GMPPA: variants seen among roughly 807,000 people sequenced by gnomAD.
The protein encoded by GMPPA is mannose-1-phosphate guanylyltransferase regulatory subunit alpha.
Under a neutral mutation model 58.6 loss-of-function variants are expected in GMPPA, and 46 were observed. The observed-to-expected ratio is 0.78, with a 90% CI of 0.62 to 1.00. The LOEUF is 1.00. GMPPA is among the 50% of genes least tolerant of loss of function. GMPPA has a pLI of 0.00. For missense variants in GMPPA, 468 were observed against 556.4 expected, an observed-to-expected ratio of 0.84 and a Z score of 1.60; for synonymous variants, 211 against 214.9, an observed-to-expected ratio of 0.98 and a Z score of 0.16.
intron 6 of GMPPA, 85 bp from the exon 7 acceptor site, chr2:219,503,998 C>A: frequency 3.4e-6 from 5 of 1,488,944 alleles, no homozygotes; most frequent in Non-Finnish European, 4.7e-6. Context: ...GGAGGAGAGG[C>A]AAGAAGGGCC....
At chr2:219,505,652 T>C (rs1694557034) in intron 9 of GMPPA, 63 bp from the exon 10 acceptor site, 1 of 1,587,972 alleles carries the variant, frequency 6.3e-7, no homozygotes. Context: ...CCTCAATCCC[T>C]GCCCCTTCCT....
intron 1 of GMPPA, chr2:219,499,195 G>T (rs719337): frequency 6.6e-6 from 1 of 152,142 alleles, no homozygotes; most frequent in African/African-American, 2.4e-5. Context: ...GGGGTCAATA[G>T]GTTCAGTGTT....
chr2:219,501,476 G>A lies in GMPPA; in HGVS notation c.139G>A (p.Val47Ile). ...IQHHIEACAQ[V>I]PGMQEILLIG... Reference sequence around the variant, plus strand: ...TCCCAGCCTCTTCCCTTGTCCTCAGGTCCCTGGAATGCAGGAGATTCTGCT... The same window carrying A: ...TCCCAGCCTCTTCCCTTGTCCTCAGATCCCTGGAATGCAGGAGATTCTGCT... Residue 47 changes from valine (V) to isoleucine (I), a missense_variant and splice_region_variant, in exon 4 of 13, where the codon GTC (valine) becomes ATC (isoleucine). Coordinates refer to ENST00000313597, the MANE Select transcript of GMPPA (RefSeq NM_013335.4). The A allele has an allele frequency of 1.9e-6, 3 of 1,569,340 alleles. No individual in the cohort carries two copies. The highest frequency in any genetic ancestry group is 2.6e-6 in the Non-Finnish European group (3 of 1,139,158).
At chr2:219,499,441 C>T (rs1017387146) in intron 1 of GMPPA, among the ~76,000 whole-genome samples, 1 of 152,142 alleles carries the variant, frequency 6.6e-6, no homozygotes, top group East Asian at 1.9e-4. Context: ...GGCTTAATAT[C>T]TAGAATGAAG....
chr2:219,500,825 G>GC (rs1694362183), intron 3 of GMPPA: 1 of 148,058 alleles, frequency 6.8e-6, no homozygotes, highest in Admixed American at 6.7e-5. Flanking sequence ...AATAAAAATG[G>GC]CCGGGGGGGA....
At position 219,506,587 on chromosome 2, in the gene GMPPA, C is replaced by T. The variant is rs545135385; in HGVS notation, c.1163-111C>T. On this transcript the variant is annotated intron_variant, in intron 12 of 12. Coordinates refer to ENST00000313597, the MANE Select transcript of GMPPA (RefSeq NM_013335.4). The stretch of plus-strand genomic sequence containing the variant: ...TGTGTGAGTCACCGGGGGCATGAGA[C>T]CAGGGGCACAGATGGGCAGGAGGGC... 308 of 963,728 alleles carry T rather than the reference C, an allele frequency of 3.2e-4. 4 individuals are homozygous for T. The South Asian group carries it at 4.4e-3, about 14-fold the overall frequency. The allele number at this position is 963,728 out of a possible 1,614,324, so 59.7% of individuals were successfully genotyped here.
chr2:219,500,936 C>G (rs1421259734), intron 3 of GMPPA: 1 of 154,618 alleles, frequency 6.5e-6, no homozygotes, highest in Non-Finnish European at 1.4e-5. Flanking sequence ...ATTGAAAGAT[C>G]AGGCCTGGCA....
chr2:219,504,699 T>C (rs1035987772), intron 7 of GMPPA: 3 of 221,548 alleles, frequency 1.4e-5, no homozygotes, highest in Non-Finnish European at 2.5e-5. Flanking sequence ...CCGCCCCATC[T>C]AAGGCCTCCT....
chr2:219,502,019 C>A lies in GMPPA; in HGVS notation c.411C>A (p.Phe137Leu). Residue 137 changes from phenylalanine (F) to leucine (L), a missense_variant, in exon 5 of 13, where the codon TTC becomes TTA. Phe to Leu is a conservative substitution (Grantham distance 22). Transcript: ENST00000313597. This position sits in a 1 kb window ranked among gnomAD's most constrained non-coding sequence, Gnocchi z 4.0. Reference sequence around the variant, plus strand: ...CCCACCGACGCCAGCGTCACCCTTTCTTACTCCTTGGCACTACGGTGAGGG... The same window carrying A: ...CCCACCGACGCCAGCGTCACCCTTTATTACTCCTTGGCACTACGGTGAGGG... ...LEAHRRQRHP[F>L]LLLGTTANRT... 1 of 1,614,244 alleles carries A rather than the reference C, an allele frequency of 6.2e-7. No individual in the cohort carries two copies. Among genetic ancestry groups the A allele is most frequent in the South Asian group, 1.1e-5 (1 of 91,092 alleles).
At chr2:219,505,828 G>A in intron 10 of GMPPA, 67 bp downstream of exon 10, 1 of 1,333,664 alleles carries the variant, frequency 7.5e-7, no homozygotes, top group Non-Finnish European at 1.0e-6. Context: ...TGCCCACGCT[G>A]CCTGAGTTCT....
intron 12 of GMPPA, 44 bp downstream of exon 12, chr2:219,506,466 A>T: frequency 6.4e-7 from 1 of 1,561,454 alleles, no homozygotes; most frequent in Non-Finnish European, 8.7e-7. Context: ...CCCTCAGCTG[A>T]TGGCCAGTGG....
Position 219,506,352 on chromosome 2 carries a change from T to TC in GMPPA, c.1096dup (p.Arg366ProfsTer7). On this transcript the variant is annotated frameshift_variant, in exon 12 of 13. Transcript: ENST00000313597. LOFTEE classifies it high-confidence loss of function. ...CCCCCAGTGACCCTAACCCCAACGA[T>TC]CCCCGAGCCCGCATGGACAGTGAGA... 6.2e-7 allele frequency: 1 copy of TC among 1,613,768 alleles called. No individual in the cohort carries two copies. The highest frequency in any genetic ancestry group is 1.3e-5 in the African/African-American group (1 of 74,990).
chr2:219,506,088 C>T lies in GMPPA; in HGVS notation c.993+16C>T. 1 of 1,546,276 alleles carries T rather than the reference C, an allele frequency of 6.5e-7. No individual in the cohort carries two copies. Among genetic ancestry groups the T allele is most frequent in the Non-Finnish European group, 8.8e-7 (1 of 1,130,356 alleles). ...CACTTTGCAGGTAGGTACCAGCATA[C>T]ACAGCAGCATGTGACACCCCAAGAG... is the stretch of plus-strand genomic sequence containing the variant. On this transcript the variant is annotated intron_variant, in intron 11 of 12. Coordinates refer to ENST00000313597, the MANE Select transcript of GMPPA (RefSeq NM_013335.4).
Position 219,505,444 on chromosome 2 carries a change from C to T in GMPPA, c.756-14C>T, listed in dbSNP as rs1694544777. ...TGCTGACCCCTGAGCCCCTGTCCCC[C>T]TTGCGGTCCCCAGTTCAGCCCTCTA... On this transcript the variant is annotated splice_polypyrimidine_tract_variant and intron_variant, in intron 8 of 12. Coordinates refer to ENST00000313597, the MANE Select transcript of GMPPA (RefSeq NM_013335.4). 1 of 1,589,272 alleles carries T rather than the reference C, an allele frequency of 6.3e-7. No individual in the cohort carries two copies. The highest frequency in any genetic ancestry group is 8.6e-7 in the Non-Finnish European group (1 of 1,167,484).
chr2:219,506,724 G>A lies in GMPPA; in HGVS notation c.1189G>A (p.Val397Met). 1 of 1,605,996 alleles carries A rather than the reference G, an allele frequency of 6.2e-7. No homozygotes were observed. ...CTGCCGAGTCCGGATCCCTGCCGAG[G>A]TGCTCATCCTGAACTCGATTGTTCT... ...LGCRVRIPAE[V>M]LILNSIVLPH... The change falls in exon 13 of 13, where the codon GTG becomes ATG. Residue 397 changes from valine (V) to methionine (M), a missense_variant. Physicochemically the swap from Val to Met is conservative, Grantham distance 21 (BLOSUM62 1). Transcript: ENST00000313597.
chr2:219,503,090 C>T (rs914798541), intron 6 of GMPPA, among the ~76,000 whole-genome samples: 4 of 151,946 alleles, frequency 2.6e-5, no homozygotes, highest in Non-Finnish European at 5.9e-5. Context: ...CACTTCAGCC[C>T]CTCAAGTAGC....
In GMPPA at chr2:219,505,725, C is replaced by T. The variant is rs781071244; in HGVS notation, c.864C>T (p.Tyr288=). Reference sequence around the variant, plus strand: ...CTCTTCTGCTTCTAGGGAATGTGTACATCCACCCGACCGCCAAGGTGGCCC... The same window carrying T: ...CTCTTCTGCTTCTAGGGAATGTGTATATCCACCCGACCGCCAAGGTGGCCC... The part of the protein sequence containing the change: ...PGGPWIRGNV[Y]IHPTAKVAPS... Residue 288 remains tyrosine, a synonymous_variant, in exon 10 of 13, where the codon TAC becomes TAT. Coordinates refer to ENST00000313597, the MANE Select transcript of GMPPA (RefSeq NM_013335.4). 2.5e-6 allele frequency: 4 copies of T among 1,611,702 alleles called. No homozygotes were observed. The Admixed American group carries it at 5.0e-5, about 20-fold the overall frequency.
chr2:219,505,029 ACCCAC>A, intron 7 of GMPPA, 194 bp from the exon 8 acceptor site: 1 of 837,344 alleles, frequency 1.2e-6, no homozygotes, highest in Non-Finnish European at 1.8e-6. Flanking sequence ...TTGTGATAGC[ACCCAC>A]CCAAGTGGGG....
In GMPPA at chr2:219,506,707, T is replaced by TCCGGATCCCTG; in HGVS notation, c.1176_1186dup (p.Glu396GlyfsTer9). 1.9e-6 allele frequency: 3 copies of TCCGGATCCCTG among 1,593,370 alleles called. No individual in the cohort carries two copies. The highest frequency in any genetic ancestry group is 2.6e-6 in the Non-Finnish European group (3 of 1,162,056). On this transcript the variant is annotated frameshift_variant, in exon 13 of 13. Transcript: ENST00000313597. LOFTEE classifies it high-confidence loss of function. Reference sequence around the variant, plus strand: ...CTCATCCATGCTGCAGGCTGCCGAGTCCGGATCCCTGCCGAGGTGCTCATC... The same window carrying TCCGGATCCCTG: ...CTCATCCATGCTGCAGGCTGCCGAGTCCGGATCCCTGCCGGATCCCTGCCGAGGTGCTCATC...
Sources: gnomAD v4.1 joint callset for allele counts (sites outside exome capture counted in the v4.1 genomes callset) on GRCh38, gnomAD v4.1.1 for gene constraint, Gnocchi (gnomAD v3.1) non-coding constraint, MANE v1.5 for transcripts, NCBI Gene and HGNC (gene_info 2026-07-23, HGNC 2026-07-21) for gene names.